Variants in RIMS1 observed in about 807,000 individuals in gnomAD.
RIMS1 encodes the protein regulating synaptic membrane exocytosis protein 1.
A neutral mutation model predicts 214.1 loss-of-function variants in RIMS1; 83 were observed. The observed-to-expected ratio is 0.39, with a 90% confidence interval of 0.32 to 0.47. The LOEUF (loss-of-function observed/expected upper bound fraction) is 0.47, where lower values mean the gene tolerates loss of function less well. Among genes scored for constraint, RIMS1 ranks in the 20% least tolerant of loss-of-function variants. The pLI, the probability that RIMS1 is intolerant of heterozygous loss-of-function variation, is 0.99. For synonymous variants in RIMS1, 793 were observed against 786.8 expected, an observed-to-expected ratio of 1.01 and a Z score of -0.13; for missense variants, 2,050 against 2,161.8, an observed-to-expected ratio of 0.95 and a Z score of 1.03.
Position 72,071,532 on chromosome 6 carries a change from A to G in RIMS1, c.246-25417A>G, listed in dbSNP as rs554291526. Among the ~76,000 whole-genome samples the G allele has an allele frequency of 1.3e-3, 191 of 152,346 alleles. 1 individual carries two copies. Among genetic ancestry groups the G allele is most frequent in the Middle Eastern group, 3.4e-3 (1 of 294 alleles). ...CAAGATAAAATTCAACAGGTGAGAC[A>G]GTAAGGTCCTATATGTTTGCATAAA... On this transcript the variant is annotated intron_variant, in intron 2 of 33. Coordinates refer to ENST00000521978, the MANE Select transcript of RIMS1 (RefSeq NM_014989.7).
intron 6 of RIMS1, among the ~76,000 whole-genome samples, chr6:72,203,458 A>G (rs1216123902): frequency 6.6e-6 from 1 of 152,136 alleles, no homozygotes; most frequent in East Asian, 1.9e-4. Flanking sequence ...AAGGAAAGAC[A>G]AGCATACACA....
At chr6:72,239,702 A>G (rs1403798674) in intron 9 of RIMS1, among the ~76,000 whole-genome samples, 1 of 152,176 alleles carries the variant, frequency 6.6e-6, no homozygotes, top group African/African-American at 2.4e-5. Context: ...TCTAAAACAC[A>G]AAAATGACAC....
intron 1 of RIMS1, among the ~76,000 whole-genome samples, chr6:71,913,120 A>G (rs1185322205): frequency 6.6e-6 from 1 of 152,190 alleles, no homozygotes; most frequent in Non-Finnish European, 1.5e-5. Context: ...ATGCCTTAAT[A>G]TAGCCCAAAG....
chr6:72,233,180 G>A (rs1030154458), intron 6 of RIMS1, among the ~76,000 whole-genome samples: 2 of 151,562 alleles, frequency 1.3e-5, no homozygotes, highest in Non-Finnish European at 3.0e-5. Flanking sequence ...CAAAAATAAA[G>A]GTTCATAAAC....
chr6:72,004,115 A>C (rs1050963499), intron 2 of RIMS1, among the ~76,000 whole-genome samples: 1 of 145,658 alleles, frequency 6.9e-6, no homozygotes, highest in South Asian at 2.2e-4. Context: ...TGAGAACATG[A>C]GGTGTTTGGT....
intron 4 of RIMS1, among the ~76,000 whole-genome samples, chr6:72,158,065 G>C (rs1229798537): frequency 7.1e-6 from 1 of 140,386 alleles, no homozygotes. Context: ...AATTATGCTT[G>C]TTTGTCATCA....
chr6:72,339,440 C>A (rs957041173), intron 29 of RIMS1, among the ~76,000 whole-genome samples: 6 of 151,870 alleles, frequency 4.0e-5, no homozygotes, highest in Non-Finnish European at 8.8e-5. Context: ...CCTATCCCCC[C>A]ACCCCACAAC....
Position 72,223,729 on chromosome 6 carries a change from C to T in RIMS1, c.1679-10044C>T, listed in dbSNP as rs148464013. ...TTGGGAGGCTGAGGTGGGTGGATCA[C>T]GAGGTCAGGAAATCGAGACCATCCT... On this transcript the variant is annotated intron_variant, in intron 6 of 33. Transcript: ENST00000521978. Among the ~76,000 whole-genome samples the T allele has an allele frequency of 8.1e-3, 1,235 of 151,934 alleles. 19 individuals are homozygous for T. Among genetic ancestry groups the T allele is most frequent in the African/African-American group, 0.029 (1,198 of 41,420 alleles).
intron 19 of RIMS1, chr6:72,261,173 G>A (rs1341653685): frequency 2.4e-5 from 24 of 1,017,536 alleles, no homozygotes; most frequent in Non-Finnish European, 2.8e-5. Flanking sequence ...AGTTTGCTCT[G>A]TTTTAGCCTT....
intron 1 of RIMS1, among the ~76,000 whole-genome samples, chr6:71,941,401 T>C (rs925403190): frequency 2.0e-5 from 3 of 152,236 alleles, no homozygotes; most frequent in Non-Finnish European, 4.4e-5. Flanking sequence ...CACCTGCCTT[T>C]TTACATAGAA....
chr6:72,289,516 C>T (rs1423703945), intron 24 of RIMS1, among the ~76,000 whole-genome samples: 1 of 152,080 alleles, frequency 6.6e-6, no homozygotes, highest in Non-Finnish European at 1.5e-5. Flanking sequence ...ATTTATAGCT[C>T]AAGAAAGTAA....
At chr6:71,908,770 T>C (rs1419823699) in intron 1 of RIMS1, among the ~76,000 whole-genome samples, 1 of 152,178 alleles carries the variant, frequency 6.6e-6, no homozygotes, top group Non-Finnish European at 1.5e-5. Context: ...AATGAACCTT[T>C]TCATCTTGTA....
intron 9 of RIMS1, among the ~76,000 whole-genome samples, chr6:72,240,975 C>T (rs1206305643): frequency 6.6e-6 from 1 of 152,086 alleles, no homozygotes; most frequent in Non-Finnish European, 1.5e-5. Flanking sequence ...GAGATTGCGC[C>T]ACTGCACTCT....
intron 1 of RIMS1, among the ~76,000 whole-genome samples, chr6:71,964,332 A>G (rs998725142): frequency 2.6e-5 from 4 of 152,120 alleles, no homozygotes; most frequent in African/African-American, 7.2e-5. Context: ...GTAGGGAACT[A>G]TTGGGTAGAG....
At chr6:72,129,191 A>G (rs2040062768) in intron 4 of RIMS1, among the ~76,000 whole-genome samples, 1 of 152,198 alleles carries the variant, frequency 6.6e-6, no homozygotes. Context: ...AAGTTTACAT[A>G]TGGTTAAAGA....
At chr6:72,005,859 G>A (rs1004654377) in intron 2 of RIMS1, among the ~76,000 whole-genome samples, 4 of 152,300 alleles carry the variant, frequency 2.6e-5, no homozygotes, top group African/African-American at 7.2e-5. Flanking sequence ...AGATATTTAC[G>A]AAACTGGAGT....
chr6:72,148,674 C>T (rs1455641506), intron 4 of RIMS1: 1 of 454,768 alleles, frequency 2.2e-6, no homozygotes, highest in African/African-American at 2.0e-5. Context: ...TGCCCCTAGA[C>T]TTGTGCTGTC....
intron 4 of RIMS1, among the ~76,000 whole-genome samples, chr6:72,123,286 G>A (rs1166263210): frequency 1.3e-5 from 2 of 151,850 alleles, no homozygotes; most frequent in Non-Finnish European, 2.9e-5. Flanking sequence ...GCTGTTTTGA[G>A]TGAGTTTCTT....
intron 4 of RIMS1, among the ~76,000 whole-genome samples, chr6:72,139,154 A>G (rs1178735733): frequency 6.6e-6 from 1 of 152,124 alleles, no homozygotes; most frequent in Non-Finnish European, 1.5e-5. Context: ...TTGGAAGGAT[A>G]CATATGAAAA....
Sources: allele counts gnomAD v4.1 joint callset (sites outside exome capture counted in the v4.1 genomes callset), GRCh38; gene constraint gnomAD v4.1.1; transcripts MANE v1.5; gene names NCBI Gene and HGNC (gene_info 2026-07-23, HGNC 2026-07-21).